CCDC171: variants seen among roughly 807,000 people sequenced by gnomAD.
The protein encoded by CCDC171 is coiled-coil domain containing 171.
A neutral mutation model predicts 168.2 loss-of-function variants in CCDC171; 177 were observed. The observed-to-expected ratio is 1.05, with a 90% CI of 0.93 to 1.19. The LOEUF (loss-of-function observed/expected upper bound fraction) is 1.19, where lower values mean the gene tolerates loss of function less well. Ranked by LOEUF, CCDC171 falls within the 50% of genes most tolerant of loss-of-function variation. The pLI is 0.00. For synonymous variants in CCDC171, 687 were observed against 540.8 expected (o/e 1.27, Z -3.75); for missense variants, 1,991 against 1,539.0 (o/e 1.29, Z -4.91).
At chr9:15,656,802 T>A (rs1312540775) in intron 7 of CCDC171, among the ~76,000 whole-genome samples, 1 of 152,142 alleles carries the variant, frequency 6.6e-6, no homozygotes, top group Admixed American at 6.6e-5. Context: ...GATGGAAATG[T>A]TTCCTGTATT....
intron 25 of CCDC171, among the ~76,000 whole-genome samples, chr9:15,924,807 T>C (rs1825718002): frequency 6.6e-6 from 1 of 151,552 alleles, no homozygotes. Flanking sequence ...AAGTCACCAA[T>C]AATTTTATGC....
At chr9:16,056,210 A>G (rs1016478879) in intron 1 of CCDC171, among the ~76,000 whole-genome samples, 1 of 152,196 alleles carries the variant, frequency 6.6e-6, no homozygotes, top group Non-Finnish European at 1.5e-5. Flanking sequence ...CTGATTTTAT[A>G]TATTTTCCAC....
chr9:15,593,722 T>C (rs1197069829), intron 5 of CCDC171, among the ~76,000 whole-genome samples: 1 of 151,962 alleles, frequency 6.6e-6, no homozygotes, highest in Non-Finnish European at 1.5e-5. Context: ...GTTAACATTT[T>C]TCAGAAAAAT....
the CCDC171 span, among the ~76,000 whole-genome samples, chr9:16,108,265 T>C: frequency 6.6e-6 from 1 of 152,230 alleles, no homozygotes; most frequent in Non-Finnish European, 1.5e-5. Context: ...GCTCAACATG[T>C]ATTCTGTTCT....
At chr9:15,786,352 A>C (rs1463029636) in intron 21 of CCDC171, among the ~76,000 whole-genome samples, 1 of 152,144 alleles carries the variant, frequency 6.6e-6, no homozygotes, top group Admixed American at 6.6e-5. Context: ...TTCATTGTGG[A>C]AAAATAAGAA....
chr9:15,859,513 C>A (rs772891305), intron 23 of CCDC171, among the ~76,000 whole-genome samples: 1 of 151,930 alleles, frequency 6.6e-6, no homozygotes, highest in East Asian at 1.9e-4. Flanking sequence ...GCCACCTGGT[C>A]CTGGGCTTTT....
intron 21 of CCDC171, among the ~76,000 whole-genome samples, chr9:15,810,684 C>T (rs904811496): frequency 1.3e-5 from 2 of 152,214 alleles, no homozygotes; most frequent in African/African-American, 2.4e-5. Context: ...GCAGTGCCGG[C>T]TGGCTGCTCC....
chr9:15,795,630 T>C (rs1290410768), intron 21 of CCDC171, among the ~76,000 whole-genome samples: 1 of 152,146 alleles, frequency 6.6e-6, no homozygotes, highest in Non-Finnish European at 1.5e-5. Context: ...ATAATAATAA[T>C]GTTAGGGAAA....
intron 3 of CCDC171, among the ~76,000 whole-genome samples, chr9:15,572,506 AG>A (rs1345443763): frequency 1.3e-5 from 2 of 152,156 alleles, no homozygotes; most frequent in Non-Finnish European, 2.9e-5. Context: ...CTGGTCCCAA[AG>A]GGTTGTTGTG....
intron 6 of CCDC171, among the ~76,000 whole-genome samples, chr9:16,034,796 T>C (rs191147468): frequency 7.8e-4 from 119 of 152,346 alleles, no homozygotes; most frequent in African/African-American, 2.6e-3. Flanking sequence ...TCATGTTTTT[T>C]GTGCTGTGGG....
At chr9:15,882,898 G>C (rs888340741) in intron 24 of CCDC171, among the ~76,000 whole-genome samples, 4 of 150,754 alleles carry the variant, frequency 2.7e-5, no homozygotes, top group African/African-American at 4.9e-5. Flanking sequence ...GGATGCATCA[G>C]ATTTTTAGGA....
rs1317262104 is a variant in CCDC171 at position 15,947,715 on chromosome 9, G to T, written c.3754-23894G>T. On this transcript the variant is annotated intron_variant, in intron 25 of 25. Transcript: ENST00000380701. ...AGACCCTACTTTCAATTCTTTCAGG[G>T]TTATACCCAGAAGTGAAATTACTGG... Among the ~76,000 whole-genome samples the T allele has an allele frequency of 2.0e-5, 3 of 151,864 alleles. No individual in the cohort carries two copies. The East Asian group carries it at 5.9e-4, about 30-fold the overall frequency.
chr9:15,668,146 G>A (rs1178139790), intron 9 of CCDC171, among the ~76,000 whole-genome samples: 2 of 152,130 alleles, frequency 1.3e-5, no homozygotes, highest in Non-Finnish European at 2.9e-5. Context: ...AAGCTTTCTA[G>A]CAATGAAATA....
At chr9:15,889,016 C>T (rs12005485) in intron 24 of CCDC171, 9,952 of 129,316 alleles carry the variant, frequency 0.077, 822 homozygotes, top group African/African-American at 0.21. Context: ...TGGAGTGCAG[C>T]AGTGCGATCT....
chr9:15,808,852 A>G (rs2059194962), intron 21 of CCDC171, among the ~76,000 whole-genome samples: 1 of 122,148 alleles, frequency 8.2e-6, no homozygotes. Context: ...GCTTATAAAC[A>G]GCAGAAATTT....
At chr9:15,624,754 A>G (rs1029624203) in intron 7 of CCDC171, among the ~76,000 whole-genome samples, 8 of 152,158 alleles carry the variant, frequency 5.3e-5, no homozygotes, top group Non-Finnish European at 1.2e-4. Context: ...GCTATTGTGA[A>G]TAGTGCTGCA....
In CCDC171 at chr9:15,611,018, G is replaced by A. The variant is rs4372097; in HGVS notation, c.676-12249G>A. 8.6e-3 allele frequency among the ~76,000 whole-genome samples: 1,305 copies of A among 152,192 alleles called. 49 individuals carry two copies. The East Asian group carries it at 0.091, about 11-fold the overall frequency. On this transcript the variant is annotated intron_variant, in intron 6 of 25. Transcript: ENST00000380701. The stretch of plus-strand genomic sequence containing the variant: ...GGCCTGGTGGGAGGAGATCATGGGG[G>A]CAGATTTCTCATGAATGGTTTAGCA...
chr9:15,734,524 C>T (rs1388427976), intron 16 of CCDC171, among the ~76,000 whole-genome samples: 2 of 151,966 alleles, frequency 1.3e-5, no homozygotes, highest in Non-Finnish European at 2.9e-5. Context: ...GGCGAAACTC[C>T]AACAAGAGCG....
intron 23 of CCDC171, among the ~76,000 whole-genome samples, chr9:15,865,968 C>G (rs1463789602): frequency 1.3e-5 from 2 of 151,660 alleles, no homozygotes; most frequent in Non-Finnish European, 2.9e-5. Flanking sequence ...AAACTAATGC[C>G]TGGGTGGGGC....
Sources: gnomAD v4.1 joint callset for allele counts (sites outside exome capture counted in the v4.1 genomes callset) on GRCh38, gnomAD v4.1.1 for gene constraint, MANE v1.5 for transcripts, NCBI Gene and HGNC (gene_info 2026-07-23, HGNC 2026-07-21) for gene names.